Variants in PDE4D observed in about 807,000 individuals in gnomAD.
PDE4D encodes phosphodiesterase 4D.
In PDE4D, 24 loss-of-function variants were observed where a neutral mutation model predicts 87.4. The observed-to-expected ratio is 0.27, with a 90% CI of 0.20 to 0.39. The LOEUF (loss-of-function observed/expected upper bound fraction) is 0.39. PDE4D is among the 10% of genes least tolerant of loss of function. The probability of loss-of-function intolerance (pLI) is 1.00; values close to 1 mark genes in which losing one functional copy is unlikely to be tolerated. For missense variants in PDE4D, 714 were observed against 1,041.0 expected, an observed-to-expected ratio of 0.69 and a Z score of 4.32; for synonymous variants, 384 against 383.2, an observed-to-expected ratio of 1.00 and a Z score of -0.02.
chr5:59,910,373 C>A (rs1458097087), intron 3 of PDE4D, among the ~76,000 whole-genome samples: 2 of 152,162 alleles, frequency 1.3e-5, no homozygotes, highest in Admixed American at 6.5e-5. Context: ...TGATATGGTT[C>A]ATTGTTTCTG....
chr5:59,682,979 T>C (rs1669681268), intron 1 of PDE4D, among the ~76,000 whole-genome samples: 1 of 152,202 alleles, frequency 6.6e-6, no homozygotes, highest in Admixed American at 6.5e-5. Flanking sequence ...AGCATGATTT[T>C]GTAATTTCAT....
At chr5:59,688,414 C>G (rs1750291721) in intron 1 of PDE4D, among the ~76,000 whole-genome samples, 2 of 152,190 alleles carry the variant, frequency 1.3e-5, no homozygotes, top group South Asian at 4.1e-4. Flanking sequence ...GATTAAGAAA[C>G]TCACTCAAAA....
At chr5:59,398,579 T>C (rs1435326986) in intron 1 of PDE4D, among the ~76,000 whole-genome samples, 1 of 117,834 alleles carries the variant, frequency 8.5e-6, no homozygotes, top group African/African-American at 3.5e-5. Flanking sequence ...TGGGACATAT[T>C]TCAAAATAAT....
At chr5:59,185,502 T>G (rs1465032518) in intron 3 of PDE4D, among the ~76,000 whole-genome samples, 1 of 152,116 alleles carries the variant, frequency 6.6e-6, no homozygotes, top group Non-Finnish European at 1.5e-5. Flanking sequence ...GTAGCAGCAG[T>G]TTCCACAGTA....
chr5:59,459,362 T>C (rs1159339863), intron 1 of PDE4D, among the ~76,000 whole-genome samples: 1 of 152,228 alleles, frequency 6.6e-6, no homozygotes. Flanking sequence ...TGTCTCTATC[T>C]CGGTAGTTCC....
At chr5:60,429,948 A>G (rs1294809225) in intron 1 of PDE4D, 1 of 506,510 alleles carries the variant, frequency 2.0e-6, no homozygotes, top group Non-Finnish European at 3.9e-6. Context: ...AAGTGGTAAC[A>G]GGTACGTAGG....
chr5:60,450,320 C>T (rs1323808837), intron 1 of PDE4D, among the ~76,000 whole-genome samples: 1 of 152,044 alleles, frequency 6.6e-6, no homozygotes, highest in African/African-American at 2.4e-5. Context: ...TCACTATCTT[C>T]TAGGTATTCA....
At chr5:59,447,730 C>G (rs1275622337) in intron 1 of PDE4D, among the ~76,000 whole-genome samples, 1 of 152,212 alleles carries the variant, frequency 6.6e-6, no homozygotes, top group African/African-American at 2.4e-5. Context: ...TGTTTAACAG[C>G]TTTCCAAGCC....
chr5:59,612,222 G>T (rs1829094697), intron 1 of PDE4D, among the ~76,000 whole-genome samples: 1 of 82,262 alleles, frequency 1.2e-5, no homozygotes, highest in East Asian at 3.5e-4. Context: ...CTGATTCCTT[G>T]ATTGACACTG....
chr5:60,111,542 A>G (rs1319821763), intron 2 of PDE4D, among the ~76,000 whole-genome samples: 3 of 152,020 alleles, frequency 2.0e-5, no homozygotes, highest in African/African-American at 7.2e-5. Flanking sequence ...CATCATTGGA[A>G]TGGTTTTCAC....
chr5:59,158,204 T>C (rs1345792), intron 5 of PDE4D, among the ~76,000 whole-genome samples: 85,921 of 151,952 alleles, frequency 0.57, 24,559 homozygotes, highest in Non-Finnish European at 0.61. Flanking sequence ...CATTTAACTC[T>C]TCTCTGCCAG....
intron 1 of PDE4D, among the ~76,000 whole-genome samples, chr5:60,397,284 A>G (rs1156706046): frequency 2.0e-5 from 3 of 152,244 alleles, no homozygotes. Flanking sequence ...CAGGAATCCC[A>G]TGACTAGGTA....
At chr5:59,128,098 T>C (rs1775753333) in intron 5 of PDE4D, among the ~76,000 whole-genome samples, 1 of 151,398 alleles carries the variant, frequency 6.6e-6, no homozygotes, top group Non-Finnish European at 1.5e-5. Flanking sequence ...TTCTGATTAT[T>C]CTTCAGGTTT....
chr5:60,108,665 T>C (rs1777320389), intron 2 of PDE4D, among the ~76,000 whole-genome samples: 1 of 151,980 alleles, frequency 6.6e-6, no homozygotes, highest in African/African-American at 2.4e-5. Flanking sequence ...AACAGAGATA[T>C]AGATCAATGG....
At chr5:60,123,582 T>G (rs1778880853) in intron 2 of PDE4D, among the ~76,000 whole-genome samples, 1 of 151,610 alleles carries the variant, frequency 6.6e-6, no homozygotes, top group African/African-American at 2.4e-5. Context: ...CCCACAACAT[T>G]TGGGAATTAT....
intron 1 of PDE4D, among the ~76,000 whole-genome samples, chr5:59,506,585 A>C (rs557129075): frequency 4.7e-4 from 71 of 152,312 alleles, no homozygotes; most frequent in African/African-American, 1.7e-3. Context: ...ATACTGTTAA[A>C]TTATGAGATG....
At chr5:59,543,759 G>C (rs755714957) in intron 1 of PDE4D, among the ~76,000 whole-genome samples, 1 of 152,090 alleles carries the variant, frequency 6.6e-6, no homozygotes, top group Non-Finnish European at 1.5e-5. Flanking sequence ...TTAGGGGAAA[G>C]TTACTGAGGT....
chr5:60,483,110 G>A (rs1748858328), intron 1 of PDE4D, among the ~76,000 whole-genome samples: 1 of 152,122 alleles, frequency 6.6e-6, no homozygotes, highest in Non-Finnish European at 1.5e-5. Flanking sequence ...AATTAAATAA[G>A]GCTGGAGACT....
rs151175697 is a variant in PDE4D, at chr5:59,444,324, A to T, written c.456-228356T>A. Among the ~76,000 whole-genome samples the T allele has an allele frequency of 3.3e-4, 51 of 152,320 alleles. No homozygotes were observed. The East Asian group carries it at 9.5e-3, about 28-fold the overall frequency. The stretch of plus-strand genomic sequence containing the variant: ...TTAATGCCGAAAGATAACAAAGGAA[A>T]ATGCTATGACCTGAAAGGTGTAGGA... On this transcript the variant is annotated intron_variant, in intron 1 of 14. Coordinates refer to ENST00000340635, the MANE Select transcript of PDE4D (RefSeq NM_001104631.2).
Sources: allele counts gnomAD v4.1 joint callset (sites outside exome capture counted in the v4.1 genomes callset), GRCh38; gene constraint gnomAD v4.1.1; transcripts MANE v1.5; gene names NCBI Gene and HGNC (gene_info 2026-07-23, HGNC 2026-07-21).